The following YPEL1 variants were observed in gnomAD, a reference collection of about 807,000 sequenced individuals.
YPEL1 encodes yippee like 1.
YPEL1 carries 7 observed loss-of-function variants against 17.3 expected under a neutral mutation model. The ratio of observed to expected loss-of-function variants is 0.40; its 90% confidence interval spans 0.23 to 0.76. YPEL1 has a LOEUF of 0.76. YPEL1 is among the 30% of genes least tolerant of loss of function. The probability of loss-of-function intolerance (pLI) is 0.35; values close to 1 mark genes in which losing one functional copy is unlikely to be tolerated. For synonymous variants in YPEL1, 59 were observed against 59.6 expected (o/e 0.99, Z 0.05); for missense variants, 91 against 155.5 (o/e 0.59, Z 2.21).
intron 1 of YPEL1, among the ~76,000 whole-genome samples, chr22:21,727,803 C>G (rs1379283648): frequency 6.6e-6 from 1 of 152,200 alleles, no homozygotes; most frequent in Admixed American, 6.5e-5. Context: ...ACAGCCTGTT[C>G]CCCTCAATCC....
intron 4 of YPEL1, among the ~76,000 whole-genome samples, chr22:21,702,576 TG>T (rs1357197501): frequency 6.6e-6 from 1 of 151,562 alleles, no homozygotes; most frequent in Admixed American, 6.6e-5. Flanking sequence ...CTGAGGTGGG[TG>T]GATCACTTGA....
In YPEL1 at chr22:21,734,098, T is replaced by C. The variant is rs182887137; in HGVS notation, c.-165+1517A>G. ...AACCAGTCATGGTGGTGTGCACCTG[T>C]AGTCCTAGCTACATGGGAGGCTGAG... On this transcript the variant is annotated intron_variant, in intron 1 of 4. Transcript: ENST00000339468. Among the ~76,000 whole-genome samples the C allele has an allele frequency of 6.6e-5, 10 of 152,314 alleles. No homozygotes were observed. The East Asian group carries it at 1.2e-3, about 18-fold the overall frequency.
At chr22:21,715,393 C>G (rs2068211148) in intron 1 of YPEL1, among the ~76,000 whole-genome samples, 1 of 151,584 alleles carries the variant, frequency 6.6e-6, no homozygotes, top group Non-Finnish European at 1.5e-5. Context: ...ACTCGGGAGG[C>G]TGAAGCAGGA....
chr22:21,734,848 G>A (rs944955208), intron 1 of YPEL1, among the ~76,000 whole-genome samples: 9 of 152,176 alleles, frequency 5.9e-5, no homozygotes, highest in African/African-American at 2.2e-4. Flanking sequence ...TCAGGGGCTG[G>A]TGGGTGGGAA....
intron 1 of YPEL1, among the ~76,000 whole-genome samples, chr22:21,727,366 C>T (rs922191327): frequency 2.0e-5 from 3 of 152,192 alleles, no homozygotes; most frequent in Non-Finnish European, 4.4e-5. Context: ...TGGGCTTTTA[C>T]AAGATCTATT....
intron 4 of YPEL1, among the ~76,000 whole-genome samples, chr22:21,702,897 C>T (rs1259843039): frequency 6.6e-6 from 1 of 152,148 alleles, no homozygotes; most frequent in Non-Finnish European, 1.5e-5. Context: ...GCGATTGCAA[C>T]CTTCAATTCA....
intron 1 of YPEL1, 90 bp from the exon 2 acceptor site, chr22:21,710,998 C>T (rs1205283441): frequency 2.8e-5 from 12 of 425,366 alleles, no homozygotes; most frequent in South Asian, 2.2e-4. Context: ...TGAAGCAACA[C>T]GCGGGGTGGG....
intron 4 of YPEL1, among the ~76,000 whole-genome samples, chr22:21,701,438 TC>T (rs2068065631): frequency 6.6e-6 from 1 of 152,348 alleles, no homozygotes; most frequent in East Asian, 1.9e-4. Flanking sequence ...TTTCATGTGC[TC>T]GCTTCGGCAG....
At chr22:21,725,378 C>G (rs2068325593) in intron 1 of YPEL1, among the ~76,000 whole-genome samples, 2 of 152,064 alleles carry the variant, frequency 1.3e-5, no homozygotes, top group African/African-American at 4.8e-5. Context: ...CGCCACCACA[C>G]CCGGCTAATT....
intron 2 of YPEL1, among the ~76,000 whole-genome samples, chr22:21,708,302 C>T (rs2068132222): frequency 6.7e-6 from 1 of 149,806 alleles, no homozygotes; most frequent in African/African-American, 2.5e-5. Context: ...GCTCATTTGG[C>T]ACCAAATGAC....
intron 1 of YPEL1, among the ~76,000 whole-genome samples, chr22:21,731,000 A>AT (rs1055912268): frequency 4.6e-5 from 7 of 151,254 alleles, no homozygotes; most frequent in South Asian, 2.1e-4. Context: ...CCTGTACTAC[A>AT]TTTTTTTTTC....
intron 1 of YPEL1, among the ~76,000 whole-genome samples, chr22:21,729,805 C>T (rs2068370514): frequency 6.6e-6 from 1 of 152,090 alleles, no homozygotes; most frequent in Non-Finnish European, 1.5e-5. Context: ...AACAAAATAT[C>T]ATCCTATAAT....
At chr22:21,712,156 C>T (rs1347644506) in intron 1 of YPEL1, among the ~76,000 whole-genome samples, 1 of 152,120 alleles carries the variant, frequency 6.6e-6, no homozygotes, top group East Asian at 1.9e-4. Context: ...GCCTGAGCAA[C>T]AGAGTGAAAC....
At chr22:21,728,714 T>C (rs1015372838) in intron 1 of YPEL1, among the ~76,000 whole-genome samples, 2 of 152,138 alleles carry the variant, frequency 1.3e-5, no homozygotes, top group African/African-American at 4.8e-5. Context: ...TGGCAATGAT[T>C]TTTTTAAAAG....
rs553097383 is a variant in YPEL1 at position 21,700,456 on chromosome 22, C to T, written c.*673G>A. On this transcript the variant is annotated 3_prime_UTR_variant, in exon 5 of 5. Coordinates refer to ENST00000339468, the MANE Select transcript of YPEL1 (RefSeq NM_013313.5). The stretch of plus-strand genomic sequence containing the variant: ...CCTCCCGAGTAGCTGGGATTAAAGG[C>T]ATGCGCCACCATACCCAGCTTTTTT... The T allele has an allele frequency of 3.4e-5, 5 of 148,240 alleles. No homozygotes were observed. Among genetic ancestry groups the T allele is most frequent in the Non-Finnish European group, 5.9e-5 (4 of 67,668 alleles). 9.2% of individuals were successfully genotyped at this position (148,240 alleles called of 1,614,324 possible). A position where few individuals can be genotyped will look rare whatever the true frequency, so the allele number is the denominator to read the frequency against.
chr22:21,701,016 A>C lies in YPEL1; in HGVS notation c.*113T>G. 2 of 884,000 alleles carry C rather than the reference A, an allele frequency of 2.3e-6. No individual in the cohort carries two copies. The highest frequency in any genetic ancestry group is 3.6e-6 in the Non-Finnish European group (2 of 552,126). 54.8% of individuals were successfully genotyped at this position (884,000 alleles called of 1,614,324 possible). On this transcript the variant is annotated 3_prime_UTR_variant, in exon 5 of 5. Coordinates refer to ENST00000339468, the MANE Select transcript of YPEL1 (RefSeq NM_013313.5). ...AGAGTGTCAAGAGCTATGCGCAGCT[A>C]GCCTTTGAGGTCAGAGGGCAAGAAA... is the stretch of plus-strand genomic sequence containing the variant.
At chr22:21,716,426 G>A (rs989558574) in intron 1 of YPEL1, among the ~76,000 whole-genome samples, 9 of 152,366 alleles carry the variant, frequency 5.9e-5, no homozygotes, top group African/African-American at 2.2e-4. Context: ...CCAGAGAGGC[G>A]AGCCAAGCCG....
chr22:21,733,455 T>A (rs1420650189), intron 1 of YPEL1, among the ~76,000 whole-genome samples: 1 of 149,240 alleles, frequency 6.7e-6, no homozygotes, highest in Non-Finnish European at 1.5e-5. Context: ...CAAAACTAAC[T>A]GGGGGTGGTG....
At chr22:21,730,313 T>C (rs1157035533) in intron 1 of YPEL1, among the ~76,000 whole-genome samples, 2 of 151,988 alleles carry the variant, frequency 1.3e-5, no homozygotes, top group Non-Finnish European at 2.9e-5. Context: ...AGCCTCCGCC[T>C]CCTGGATTCA....
Sources: allele counts gnomAD v4.1 joint callset (sites outside exome capture counted in the v4.1 genomes callset), GRCh38; gene constraint gnomAD v4.1.1; transcripts MANE v1.5; gene names NCBI Gene and HGNC (gene_info 2026-07-23, HGNC 2026-07-21).